Variants in DPH7 observed in about 807,000 individuals in gnomAD.
DPH7 encodes diphthine methyltransferase.
DPH7 carries 44 observed loss-of-function variants against 41.7 expected under a neutral mutation model. That is an observed-to-expected ratio of 1.05 (90% CI 0.83 to 1.36). The LOEUF (loss-of-function observed/expected upper bound fraction) is 1.36. Among genes scored for constraint, DPH7 ranks in the 40% most tolerant of loss-of-function variants. The pLI, the probability that DPH7 is intolerant of heterozygous loss-of-function variation, is 0.00. For missense variants in DPH7, 629 were observed against 577.5 expected (o/e 1.09, Z -0.91); for synonymous variants, 275 against 238.0 (o/e 1.16, Z -1.43).
chr9:137,576,724 C>T (rs557428856), intron 2 of DPH7, among the ~76,000 whole-genome samples: 1 of 152,236 alleles, frequency 6.6e-6, no homozygotes, highest in South Asian at 2.1e-4. Flanking sequence ...CACGTCTCTA[C>T]TAAAAATACA....
At chr9:137,560,830 T>G in intron 8 of DPH7, among the ~76,000 whole-genome samples, 1 of 127,688 alleles carries the variant, frequency 7.8e-6, no homozygotes, top group East Asian at 2.2e-4. Flanking sequence ...CACTCCAGCC[T>G]GGGTGACACA....
chr9:137,573,656 C>G (rs1272288307), intron 5 of DPH7, among the ~76,000 whole-genome samples: 2 of 123,752 alleles, frequency 1.6e-5, no homozygotes, highest in Non-Finnish European at 3.2e-5. Context: ...GCACTCCAGC[C>G]TGGGCAACAG....
intron 8 of DPH7, among the ~76,000 whole-genome samples, chr9:137,559,668 TTCTC>T (rs1257153847): frequency 2.0e-5 from 3 of 152,050 alleles, no homozygotes; most frequent in Non-Finnish European, 2.9e-5. Flanking sequence ...TAAGCTGTCT[TTCTC>T]TCTCTCTCCT....
rs1564446877 is a variant in DPH7, at chr9:137,570,082, C to CACA, written c.640+4125_640+4126insTGT. Among the ~76,000 whole-genome samples the CACA allele has an allele frequency of 2.0e-5, 3 of 151,588 alleles. No homozygotes were observed. The East Asian group carries it at 5.8e-4, about 29-fold the overall frequency. On this transcript the variant is annotated intron_variant, in intron 5 of 8. Transcript: ENST00000277540. ...ACAAACCCACCCACTCACTCATCCA[C>CACA]CCACCATCCATCCATCCATCCACCC...
At chr9:137,575,616 TCTC>T (rs2133203599) in intron 3 of DPH7, 9 of 1,011,460 alleles carry the variant, frequency 8.9e-6, no homozygotes, top group Non-Finnish European at 1.1e-5. Flanking sequence ...ACATCCCCGT[TCTC>T]CTCCCCGACA....
chr9:137,565,062 A>C (rs1481323426), intron 6 of DPH7, 23 bp downstream of exon 6: 3 of 1,613,788 alleles, frequency 1.9e-6, no homozygotes, highest in Non-Finnish European at 2.5e-6. Flanking sequence ...GTGGGCACCG[A>C]GTGCTGGCCC....
At chr9:137,577,877 C>G (rs1841699590) in intron 1 of DPH7, 1 of 838,438 alleles carries the variant, frequency 1.2e-6, no homozygotes, top group Non-Finnish European at 1.4e-6. Context: ...TGGGACAGTC[C>G]TGACTTACGC....
At chr9:137,575,388 T>A in intron 3 of DPH7, 1 of 988,410 alleles carries the variant, frequency 1.0e-6, no homozygotes, top group Non-Finnish European at 1.2e-6. Context: ...AGCAGGCTGC[T>A]GTACCAAAGC....
At chr9:137,575,956 T>C in intron 3 of DPH7, 124 bp downstream of exon 3, 1 of 1,524,110 alleles carries the variant, frequency 6.6e-7, no homozygotes. Context: ...TCTTAGAACG[T>C]TTATATATAG....
intron 8 of DPH7, among the ~76,000 whole-genome samples, chr9:137,557,309 C>A (rs986888710): frequency 3.3e-5 from 5 of 152,074 alleles, no homozygotes; most frequent in Non-Finnish European, 7.4e-5. Context: ...AGATCGAGAC[C>A]ATCCTGGTCA....
intron 3 of DPH7, chr9:137,575,107 C>T: frequency 1.6e-6 from 2 of 1,230,318 alleles, no homozygotes; most frequent in East Asian, 4.2e-5. Flanking sequence ...GTCTCCCTCC[C>T]TTTCACACCC....
At chr9:137,573,682 C>CAAAAAAAA (rs61028786) in intron 5 of DPH7, among the ~76,000 whole-genome samples, 3 of 25,914 alleles carry the variant, frequency 1.2e-4, no homozygotes, top group Non-Finnish European at 1.5e-4. Flanking sequence ...GACTCTGTCT[C>CAAAAAAAA]AAAAAAAAAA....
chr9:137,577,325 C>T (rs1049754482), intron 2 of DPH7, 145 bp downstream of exon 2: 2 of 816,100 alleles, frequency 2.5e-6, no homozygotes, highest in Non-Finnish European at 3.9e-6. Context: ...TAAAGCACTC[C>T]CCAGGTGGAA....
intron 8 of DPH7, among the ~76,000 whole-genome samples, chr9:137,557,157 C>A (rs1286941538): frequency 6.6e-6 from 1 of 152,182 alleles, no homozygotes; most frequent in African/African-American, 2.4e-5. Context: ...ATCCGCCCAC[C>A]CTTCCCAGAG....
intron 8 of DPH7, among the ~76,000 whole-genome samples, chr9:137,558,193 G>T (rs1217646829): frequency 6.6e-6 from 1 of 152,138 alleles, no homozygotes; most frequent in Non-Finnish European, 1.5e-5. Context: ...AACTGGCCTG[G>T]AATGTTGAAC....
At position 137,555,511 on chromosome 9, in the gene DPH7, T is replaced by C. The variant is rs766505656; in HGVS notation, c.1087A>G (p.Lys363Glu). The change falls in exon 9 of 9, where the codon AAG becomes GAG. Residue 363 changes from lysine (K) to glutamate (E), a missense_variant. Coordinates refer to ENST00000277540, the MANE Select transcript of DPH7 (RefSeq NM_138778.5). ...CTTGCACCCTTCAGGTCTGCCGTCT[T>C]GGTTCCTAGGTTGCTAGGAAAGGAC... is the stretch of plus-strand genomic sequence containing the variant. Reference protein sequence around the residue: ...SWSFPSNLGTKTADLKGASEL... With the variant: ...SWSFPSNLGTETADLKGASEL... The C allele has an allele frequency of 3.7e-6, 6 of 1,613,984 alleles. No homozygotes were observed. The highest frequency in any genetic ancestry group is 5.1e-6 in the Non-Finnish European group (6 of 1,180,006).
In DPH7 at chr9:137,564,590, G is replaced by C; in HGVS notation, c.793C>G (p.Leu265Val). The C allele has an allele frequency of 6.2e-7, 1 of 1,612,950 alleles. No individual in the cohort carries two copies. Among genetic ancestry groups the C allele is most frequent in the East Asian group, 2.2e-5 (1 of 44,806 alleles). Residue 265 changes from leucine to valine, a missense_variant, in exon 8 of 9, where the codon CTA (leucine) becomes GTA (valine). Leu to Val is a conservative substitution (Grantham distance 32, BLOSUM62 1). Transcript: ENST00000277540. ...TTCATGTTTCGTGTGTCCCACAGTA[G>C]GATGTGTTCATCATAGCTGAAACCG... The part of the protein sequence containing the change: ...LATGSYDEHI[L>V]LWDTRNMKQP...
chr9:137,562,490 A>C (rs1838800229), intron 8 of DPH7, among the ~76,000 whole-genome samples: 1 of 152,264 alleles, frequency 6.6e-6, no homozygotes, highest in Non-Finnish European at 1.5e-5. Flanking sequence ...ATGGGAAATT[A>C]GAAAGTACCT....
chr9:137,563,788 C>CAGGAGGGAAG (rs1379642297), intron 8 of DPH7, among the ~76,000 whole-genome samples: 1 of 152,032 alleles, frequency 6.6e-6, no homozygotes, highest in African/African-American at 2.4e-5. Context: ...AGCTGCAAGT[C>CAGGAGGGAAG]AGGAGGGAAG....
Sources: allele counts gnomAD v4.1 joint callset (sites outside exome capture counted in the v4.1 genomes callset), GRCh38; gene constraint gnomAD v4.1.1; transcripts MANE v1.5; gene names NCBI Gene and HGNC (gene_info 2026-07-23, HGNC 2026-07-21).